The following CDKL1 variants were observed in gnomAD, a reference collection of about 807,000 sequenced individuals.
CDKL1 encodes the protein cyclin-dependent kinase-like 1.
In CDKL1, 41 loss-of-function variants were observed where a neutral mutation model predicts 42.0. The observed-to-expected ratio is 0.98, with a 90% CI of 0.76 to 1.27. The LOEUF is 1.27. Among genes scored for constraint, CDKL1 ranks in the 50% most tolerant of loss-of-function variants. CDKL1 has a pLI of 0.00. For missense variants in CDKL1, 394 were observed against 428.4 expected (o/e 0.92, Z 0.71); for synonymous variants, 153 against 158.6 (o/e 0.96, Z 0.26).
intron 4 of CDKL1, chr14:50,342,434 A>G: frequency 7.5e-7 from 1 of 1,334,358 alleles, no homozygotes; most frequent in South Asian, 2.1e-5. Flanking sequence ...AAAAGAGCCA[A>G]GAAGAGTGAA....
chr14:50,358,634 G>GTTTTTTTTTTTTTTTTTTTT (rs1379484175), intron 3 of CDKL1, among the ~76,000 whole-genome samples: 2 of 45,112 alleles, frequency 4.4e-5, no homozygotes, highest in Non-Finnish European at 9.1e-5. Flanking sequence ...TTTTTAACTA[G>GTTTTTTTTTTTTTTTTTTTT]TCTTTTTTTT....
chr14:50,385,364 A>G (rs1356673849), intron 2 of CDKL1, among the ~76,000 whole-genome samples: 1 of 152,236 alleles, frequency 6.6e-6, no homozygotes, highest in Non-Finnish European at 1.5e-5. Context: ...ACCTGTATCA[A>G]ATCATTTGGA....
intron 2 of CDKL1, chr14:50,363,139 C>G (rs563432244): frequency 7.1e-5 from 17 of 240,630 alleles, no homozygotes; most frequent in South Asian, 6.8e-4. Flanking sequence ...CACAAACCCA[C>G]CAGAAGGAAG....
At chr14:50,390,171 GT>G (rs2035212858) in intron 2 of CDKL1, 1 of 1,365,968 alleles carries the variant, frequency 7.3e-7, no homozygotes, top group Admixed American at 1.9e-5. Context: ...TGTCTCACTT[GT>G]TTTTCTTGTT....
chr14:50,336,879 T>C (rs2139380600), intron 7 of CDKL1, among the ~76,000 whole-genome samples: 1 of 152,288 alleles, frequency 6.6e-6, no homozygotes, highest in Non-Finnish European at 1.5e-5. Context: ...AAAAAAGCTT[T>C]GTGATTTCCC....
intron 7 of CDKL1, chr14:50,335,457 A>C (rs1372998681): frequency 2.0e-6 from 3 of 1,535,458 alleles, no homozygotes; most frequent in Non-Finnish European, 2.6e-6. Flanking sequence ...TTCCCTTCTC[A>C]GCCTGCTGTT....
At chr14:50,338,215 G>A (rs1018758625) in intron 7 of CDKL1, among the ~76,000 whole-genome samples, 1 of 152,038 alleles carries the variant, frequency 6.6e-6, no homozygotes, top group African/African-American at 2.4e-5. Flanking sequence ...GGCTAAGGAA[G>A]TTTTTATTTA....
At chr14:50,335,362 G>T (rs1199143560) in intron 7 of CDKL1, 80 of 528,324 alleles carry the variant, frequency 1.5e-4, no homozygotes, top group East Asian at 2.1e-4. Flanking sequence ...CTGCAAAATA[G>T]ATGTTTTTCC....
intron 5 of CDKL1, among the ~76,000 whole-genome samples, chr14:50,341,499 C>T (rs2033536783): frequency 1.4e-5 from 2 of 147,588 alleles, no homozygotes; most frequent in Non-Finnish European, 3.0e-5. Context: ...TTAAAGTTCC[C>T]TGGGCACAGC....
chr14:50,351,523 C>T (rs1566585980), intron 3 of CDKL1, among the ~76,000 whole-genome samples: 1 of 151,856 alleles, frequency 6.6e-6, no homozygotes, highest in African/African-American at 2.4e-5. Context: ...TGCTTGAGCC[C>T]AAAAGTTTGA....
In CDKL1 at chr14:50,341,467, G is replaced by C. The variant is rs571426068; in HGVS notation, c.455-235C>G. 2.9e-4 allele frequency among the ~76,000 whole-genome samples: 42 copies of C among 145,276 alleles called. 4 individuals carry two copies. The East Asian group carries it at 3.4e-3, about 12-fold the overall frequency. ...CCCTGGGGAGGGTCTGGGGGGGGGG[G>C]GGGGGTTATTTGGCTTAGAATTTAA... is the stretch of plus-strand genomic sequence containing the variant. On this transcript the variant is annotated intron_variant, in intron 5 of 9. Transcript: ENST00000395834.
At chr14:50,356,709 TGATTTCCTTAA>T (rs1352342375) in intron 3 of CDKL1, among the ~76,000 whole-genome samples, 3 of 152,242 alleles carry the variant, frequency 2.0e-5, no homozygotes, top group Admixed American at 6.5e-5. Context: ...ATCTTATATT[TGATTTCCTTAA>T]GATTTCCTTA....
chr14:50,374,313 A>G (rs184231703), intron 2 of CDKL1, among the ~76,000 whole-genome samples: 2 of 152,368 alleles, frequency 1.3e-5, no homozygotes, highest in Admixed American at 1.3e-4. Flanking sequence ...TTATTAGGGC[A>G]GTGAAACTAT....
At chr14:50,367,627 T>C (rs1417414798) in intron 2 of CDKL1, among the ~76,000 whole-genome samples, 1 of 152,242 alleles carries the variant, frequency 6.6e-6, no homozygotes, top group Admixed American at 6.5e-5. Context: ...TCACGGTACA[T>C]ACAAGTAAAC....
intron 2 of CDKL1, chr14:50,362,889 C>T (rs930327885): frequency 7.0e-6 from 3 of 426,902 alleles, no homozygotes; most frequent in South Asian, 4.9e-5. Context: ...TGGCAACCTA[C>T]CCTGGGCACC....
chr14:50,385,121 G>A (rs2035039943), intron 2 of CDKL1, among the ~76,000 whole-genome samples: 1 of 141,704 alleles, frequency 7.1e-6, no homozygotes, highest in Middle Eastern at 3.9e-3. Flanking sequence ...ACCATTGGGT[G>A]AAAGTTGTTG....
intron 5 of CDKL1, 102 bp downstream of exon 5, chr14:50,342,030 A>G: frequency 2.3e-6 from 2 of 881,242 alleles, no homozygotes; most frequent in Non-Finnish European, 3.6e-6. Flanking sequence ...TGCCCTAAAT[A>G]TACAAGTACT....
chr14:50,365,953 C>A (rs79636801), intron 2 of CDKL1, among the ~76,000 whole-genome samples: 15,312 of 152,282 alleles, frequency 0.1, 1,155 homozygotes, highest in East Asian at 0.37. Flanking sequence ...GCCACGGGCT[C>A]TCCGGCCTTC....
In CDKL1 at chr14:50,338,998, A is replaced by G. The variant is rs2033410337; in HGVS notation, c.687T>C (p.Phe229=). The G allele has an allele frequency of 1.2e-6, 2 of 1,612,822 alleles. No individual in the cohort carries two copies. Among genetic ancestry groups the G allele is most frequent in the Non-Finnish European group, 1.7e-6 (2 of 1,178,804 alleles). Residue 229 remains phenylalanine (F), a synonymous_variant, in exon 7 of 10, where the codon TTT becomes TTC. Transcript: ENST00000395834. ...CTCCACTGAAGTACTGATTCGTGCT[A>G]AACACTTGCTGGTGCCTAGGAATGA... The part of the protein sequence containing the change: ...GDLIPRHQQV[F]STNQYFSGVK...
Sources: allele counts gnomAD v4.1 joint callset (sites outside exome capture counted in the v4.1 genomes callset), GRCh38; gene constraint gnomAD v4.1.1; transcripts MANE v1.5; gene names NCBI Gene and HGNC (gene_info 2026-07-23, HGNC 2026-07-21).